CADM1: variants seen among roughly 807,000 people sequenced by gnomAD.
CADM1 encodes TSLC-1.
CADM1 carries 15 observed loss-of-function variants against 53.1 expected under a neutral mutation model. The observed-to-expected ratio is 0.28, with a 90% confidence interval of 0.19 to 0.44. The LOEUF is 0.44. Ranked by LOEUF, CADM1 falls within the 20% of genes least tolerant of loss-of-function variation. The pLI is 1.00. For missense variants in CADM1, 434 were observed against 611.3 expected (o/e 0.71, Z 3.06); for synonymous variants, 281 against 243.0 (o/e 1.16, Z -1.45).
intron 1 of CADM1, among the ~76,000 whole-genome samples, chr11:115,427,350 A>C (rs1200049003): frequency 6.6e-6 from 1 of 152,256 alleles, no homozygotes; most frequent in Non-Finnish European, 1.5e-5. Flanking sequence ...TAAATGGAAC[A>C]AGCAAAATCA....
chr11:115,314,467 C>A (rs1944609430), intron 1 of CADM1, among the ~76,000 whole-genome samples: 1 of 152,070 alleles, frequency 6.6e-6, no homozygotes, highest in Admixed American at 6.6e-5. Flanking sequence ...TACAAGTGAG[C>A]CTTACTAATT....
chr11:115,448,283 AGAATAT>A (rs1322987969), intron 1 of CADM1, among the ~76,000 whole-genome samples: 5 of 152,222 alleles, frequency 3.3e-5, no homozygotes, highest in African/African-American at 1.2e-4. Context: ...TGGTATAAGT[AGAATAT>A]GAATAAGTTA....
chr11:115,345,410 G>C (rs1945551089), intron 1 of CADM1, among the ~76,000 whole-genome samples: 1 of 152,210 alleles, frequency 6.6e-6, no homozygotes, highest in African/African-American at 2.4e-5. Flanking sequence ...AAGGTTAAGA[G>C]AATCTGACAG....
intron 1 of CADM1, among the ~76,000 whole-genome samples, chr11:115,294,520 G>A (rs1943996119): frequency 6.6e-6 from 1 of 152,148 alleles, no homozygotes; most frequent in African/African-American, 2.4e-5. Context: ...ACTTTGGGAA[G>A]GGCCTTCCTC....
At chr11:115,450,506 T>C (rs1565434046) in intron 1 of CADM1, among the ~76,000 whole-genome samples, 1 of 152,228 alleles carries the variant, frequency 6.6e-6, no homozygotes. Context: ...TTTTACACTA[T>C]ACAACTTCAA....
At chr11:115,217,112 T>G (rs1282714816) in intron 6 of CADM1, among the ~76,000 whole-genome samples, 2 of 152,156 alleles carry the variant, frequency 1.3e-5, no homozygotes, top group African/African-American at 4.8e-5. Flanking sequence ...AAGGAACAGT[T>G]AAAAACAATC....
intron 1 of CADM1, among the ~76,000 whole-genome samples, chr11:115,433,551 G>A (rs1230746084): frequency 2.0e-5 from 3 of 152,156 alleles, no homozygotes; most frequent in East Asian, 1.9e-4. Flanking sequence ...TGGATGAAAA[G>A]GAGCCCAAGA....
intron 1 of CADM1, among the ~76,000 whole-genome samples, chr11:115,359,217 A>G (rs1045497272): frequency 6.6e-6 from 1 of 152,172 alleles, no homozygotes; most frequent in Non-Finnish European, 1.5e-5. Flanking sequence ...GTGGCCAAGT[A>G]TATCACTCAA....
intron 9 of CADM1, among the ~76,000 whole-genome samples, chr11:115,194,279 G>A (rs1440387088): frequency 6.6e-6 from 1 of 152,278 alleles, no homozygotes; most frequent in Admixed American, 6.5e-5. Flanking sequence ...TTTAAAATGG[G>A]CTTAAGAATT....
intron 1 of CADM1, among the ~76,000 whole-genome samples, chr11:115,305,702 A>T (rs1450696842): frequency 2.0e-5 from 3 of 151,718 alleles, no homozygotes; most frequent in Non-Finnish European, 4.4e-5. Context: ...TTGACTTGAG[A>T]TTTTTTTAGG....
At chr11:115,239,697 C>CTA (rs1226373087) in intron 2 of CADM1, among the ~76,000 whole-genome samples, 2 of 150,566 alleles carry the variant, frequency 1.3e-5, no homozygotes, top group East Asian at 2.0e-4. Flanking sequence ...CCGATGCTCT[C>CTA]CAATAACAGT....
chr11:115,284,110 CTCTCTGTG>C (rs1193919283), intron 1 of CADM1, among the ~76,000 whole-genome samples: 5 of 133,230 alleles, frequency 3.8e-5, no homozygotes, highest in Non-Finnish European at 6.3e-5. Context: ...CTCTCTCTCT[CTCTCTGTG>C]TGTGTGTGTG....
intron 8 of CADM1, among the ~76,000 whole-genome samples, chr11:115,202,766 A>C (rs1940493112): frequency 6.6e-6 from 1 of 151,946 alleles, no homozygotes; most frequent in Non-Finnish European, 1.5e-5. Flanking sequence ...TTAAATCTAG[A>C]CACTAGGGCA....
intron 1 of CADM1, among the ~76,000 whole-genome samples, chr11:115,492,495 T>C (rs1469634805): frequency 6.6e-6 from 1 of 152,188 alleles, no homozygotes; most frequent in South Asian, 2.1e-4. Flanking sequence ...CCTAACTGTA[T>C]ACCTATTGAT....
intron 1 of CADM1, among the ~76,000 whole-genome samples, chr11:115,370,438 G>C (rs1946280582): frequency 6.6e-6 from 1 of 152,122 alleles, no homozygotes; most frequent in African/African-American, 2.4e-5. Context: ...GTTAGACAAG[G>C]TTATAAGGGT....
At chr11:115,228,914 AAT>A (rs1941714645) in intron 5 of CADM1, among the ~76,000 whole-genome samples, 197 bp downstream of exon 5, 1 of 152,200 alleles carries the variant, frequency 6.6e-6, no homozygotes, top group Admixed American at 6.5e-5. Flanking sequence ...CTTTGGGTTC[AAT>A]GTAGCATTTT....
chr11:115,384,436 C>A (rs1293090163), intron 1 of CADM1, among the ~76,000 whole-genome samples: 1 of 152,186 alleles, frequency 6.6e-6, no homozygotes, highest in Non-Finnish European at 1.5e-5. Context: ...CTCTTCCCTC[C>A]CTAAACTCAA....
intron 8 of CADM1, among the ~76,000 whole-genome samples, chr11:115,208,405 C>G (rs552400256): frequency 3.5e-4 from 53 of 152,116 alleles, no homozygotes; most frequent in Non-Finnish European, 6.3e-4. Context: ...TTCATCATCT[C>G]TATCTTACTG....
intron 10 of CADM1, among the ~76,000 whole-genome samples, chr11:115,186,048 A>G (rs1475145124): frequency 6.6e-6 from 1 of 152,218 alleles, no homozygotes; most frequent in Non-Finnish European, 1.5e-5. Context: ...TGGAAACAGG[A>G]GCATGTTGGA....
Sources: gnomAD v4.1 joint callset for allele counts (sites outside exome capture counted in the v4.1 genomes callset) on GRCh38, gnomAD v4.1.1 for gene constraint, MANE v1.5 for transcripts, NCBI Gene and HGNC (gene_info 2026-07-23, HGNC 2026-07-21) for gene names.